The following MINDY2 variants were observed in gnomAD, a reference collection of about 807,000 sequenced individuals.
MINDY2 encodes ubiquitin carboxyl-terminal hydrolase MINDY-2.
MINDY2 carries 52 observed loss-of-function variants against 68.2 expected under a neutral mutation model. The ratio of observed to expected loss-of-function variants is 0.76; its 90% CI spans 0.61 to 0.96. The LOEUF is 0.96. MINDY2 is among the 40% of genes least tolerant of loss of function. The pLI is 0.00. For missense variants in MINDY2, 881 were observed against 773.4 expected, an observed-to-expected ratio of 1.14 and a Z score of -1.65; for synonymous variants, 372 against 303.0, an observed-to-expected ratio of 1.23 and a Z score of -2.36.
chr15:58,839,322 T>TTTGTTTGTTTG (rs1555434704), intron 6 of MINDY2, among the ~76,000 whole-genome samples: 1,748 of 148,752 alleles, frequency 0.012, 50 homozygotes, highest in South Asian at 0.056. Context: ...TAGACTGTTT[T>TTTGTTTGTTTG]TTTGTTTGTT....
chr15:58,852,945 TTTTTTTTTTTTTTTTTTTTTTTTTTAAG>T (rs1567079777), intron 8 of MINDY2, among the ~76,000 whole-genome samples: 7 of 42,136 alleles, frequency 1.7e-4, no homozygotes, highest in Non-Finnish European at 3.6e-4. Context: ...TTTTTTTTTT[TTTTTTTTTTTTTTTTTTTTTTTTTTAAG>T]ACAGAGTCTC....
intron 7 of MINDY2, among the ~76,000 whole-genome samples, chr15:58,848,928 G>C (rs928113102): frequency 6.6e-6 from 1 of 151,680 alleles, no homozygotes. Flanking sequence ...AAAAATACTG[G>C]GCCAGGCAAG....
chr15:58,776,164 A>C (rs1900757171), intron 1 of MINDY2, among the ~76,000 whole-genome samples: 1 of 152,208 alleles, frequency 6.6e-6, no homozygotes, highest in Admixed American at 6.5e-5. Context: ...ACATAGAGTA[A>C]ATATGGTAGT....
At chr15:58,832,517 C>T (rs1238501773) in intron 6 of MINDY2, among the ~76,000 whole-genome samples, 1 of 147,614 alleles carries the variant, frequency 6.8e-6, no homozygotes, top group African/African-American at 2.5e-5. Flanking sequence ...CGTGAGCCAC[C>T]ATGCCCAGAC....
chr15:58,778,879 C>T (rs1434657314), intron 1 of MINDY2, among the ~76,000 whole-genome samples: 1 of 136,208 alleles, frequency 7.3e-6, no homozygotes, highest in Non-Finnish European at 1.5e-5. Context: ...GTGGCACGAT[C>T]TTGGCTCACT....
rs141822769 is a variant in MINDY2 at position 58,835,920 on chromosome 15, T to C, written c.1368+4004T>C. 5.5e-3 allele frequency among the ~76,000 whole-genome samples: 841 copies of C among 152,154 alleles called. 13 individuals carry two copies. The highest frequency in any genetic ancestry group is 0.019 in the African/African-American group (805 of 41,520). ...GGGTTTTTTGTTTTGTTTTGTTTTG[T>C]TTTGTTTTTGAGATGGGGTCTTGCT... is the stretch of plus-strand genomic sequence containing the variant. On this transcript the variant is annotated intron_variant, in intron 6 of 8. Coordinates refer to ENST00000559228, the MANE Select transcript of MINDY2 (RefSeq NM_001040450.3).
chr15:58,785,912 C>T (rs1425655781), intron 1 of MINDY2, among the ~76,000 whole-genome samples: 1 of 152,254 alleles, frequency 6.6e-6, no homozygotes, highest in African/African-American at 2.4e-5. Flanking sequence ...CTCCTGACCT[C>T]AAGTGATCTG....
At chr15:58,842,001 C>T (rs925365054) in intron 6 of MINDY2, among the ~76,000 whole-genome samples, 3 of 151,860 alleles carry the variant, frequency 2.0e-5, no homozygotes, top group Non-Finnish European at 2.9e-5. Context: ...TATGGCCCTC[C>T]TTCACCACCC....
At chr15:58,836,407 C>T (rs1255342120) in intron 6 of MINDY2, among the ~76,000 whole-genome samples, 1 of 151,960 alleles carries the variant, frequency 6.6e-6, no homozygotes, top group African/African-American at 2.4e-5. Flanking sequence ...AATCAAAGAC[C>T]ATGCATTGCA....
At chr15:58,787,140 CTTTTTTTTTTT>C (rs58374538) in intron 1 of MINDY2, among the ~76,000 whole-genome samples, 3 of 78,150 alleles carry the variant, frequency 3.8e-5, no homozygotes, top group Non-Finnish European at 6.7e-5. Context: ...CATTTCTTTA[CTTTTTTTTTTT>C]TTTTTTTTTT....
chr15:58,790,532 T>C (rs2140925348), intron 2 of MINDY2, among the ~76,000 whole-genome samples: 1 of 152,266 alleles, frequency 6.6e-6, no homozygotes, highest in Admixed American at 6.5e-5. Context: ...ACTGACATGA[T>C]CTAACTTTGG....
At chr15:58,823,794 C>G (rs774780306) in intron 5 of MINDY2, among the ~76,000 whole-genome samples, 1 of 150,808 alleles carries the variant, frequency 6.6e-6, no homozygotes, top group Non-Finnish European at 1.5e-5. Context: ...GCAATAAAAA[C>G]TATTACAAAA....
intron 1 of MINDY2, among the ~76,000 whole-genome samples, chr15:58,786,791 C>T (rs1332524724): frequency 6.6e-6 from 1 of 152,128 alleles, no homozygotes; most frequent in Non-Finnish European, 1.5e-5. Context: ...TGGGGATAAC[C>T]ATAATCTTGA....
chr15:58,771,824 G>C lies in MINDY2; in HGVS notation c.429G>C (p.Leu143=), dbSNP rs1206213679. The C allele has an allele frequency of 6.2e-7, 1 of 1,608,732 alleles. No homozygotes were observed. The highest frequency in any genetic ancestry group is 1.1e-5 in the South Asian group (1 of 90,818). Residue 143 remains leucine, a synonymous_variant, in exon 1 of 9, where the codon CTG becomes CTC. Transcript: ENST00000559228. ...PDLAGTCQAE[L]TAAGSEEPSS... Reference sequence around the variant, plus strand: ...TCGCCGGCACCTGCCAAGCAGAACTGACCGCCGCCGGCTCCGAAGAGCCCA... The same window carrying C: ...TCGCCGGCACCTGCCAAGCAGAACTCACCGCCGCCGGCTCCGAAGAGCCCA...
chr15:58,842,067 A>G (rs1246165088), intron 6 of MINDY2, among the ~76,000 whole-genome samples: 1 of 151,936 alleles, frequency 6.6e-6, no homozygotes, highest in Non-Finnish European at 1.5e-5. Context: ...TCTAGATCAC[A>G]TAGCTTCTAG....
At chr15:58,778,989 T>G (rs562032316) in intron 1 of MINDY2, among the ~76,000 whole-genome samples, 12 of 151,842 alleles carry the variant, frequency 7.9e-5, no homozygotes, top group Non-Finnish European at 1.8e-4. Context: ...CTTGAACTCC[T>G]GACCTCAAGT....
At chr15:58,810,081 A>G (rs2030124464) in intron 3 of MINDY2, 149 bp from the exon 4 acceptor site, 7 of 691,376 alleles carry the variant, frequency 1.0e-5, no homozygotes, top group African/African-American at 1.8e-5. Flanking sequence ...AGCTTCTGAC[A>G]CATAGTAGAT....
At chr15:58,803,705 A>G (rs1229902147) in intron 3 of MINDY2, among the ~76,000 whole-genome samples, 3 of 152,062 alleles carry the variant, frequency 2.0e-5, no homozygotes, top group Admixed American at 6.6e-5. Flanking sequence ...AGTCCCAGCT[A>G]TTCAGGAGGT....
intron 6 of MINDY2, among the ~76,000 whole-genome samples, chr15:58,844,505 T>C (rs2032431716): frequency 1.4e-5 from 2 of 145,152 alleles, no homozygotes; most frequent in African/African-American, 2.6e-5. Context: ...TGAGCCAAGA[T>C]TGTGCCACTG....
Sources: gnomAD v4.1 joint callset for allele counts (sites outside exome capture counted in the v4.1 genomes callset) on GRCh38, gnomAD v4.1.1 for gene constraint, MANE v1.5 for transcripts, NCBI Gene and HGNC (gene_info 2026-07-23, HGNC 2026-07-21) for gene names.